ARL10: variants seen among roughly 807,000 people sequenced by gnomAD.
The protein encoded by ARL10 is ADP-ribosylation factor-like protein 10.
In ARL10, 23 loss-of-function variants were observed where a neutral mutation model predicts 26.1. The observed-to-expected ratio is 0.88, with a 90% confidence interval of 0.63 to 1.25. ARL10 has a LOEUF of 1.25. Ranked by LOEUF, ARL10 falls within the 50% of genes most tolerant of loss-of-function variation. ARL10 has a pLI of 0.00. For synonymous variants in ARL10, 138 were observed against 149.1 expected (o/e 0.93, Z 0.54); for missense variants, 300 against 323.6 (o/e 0.93, Z 0.56).
At chr5:176,404,507 C>G (rs1407547877), downstream of ARL10, among the ~76,000 whole-genome samples, 1 of 152,226 alleles carries the variant, frequency 6.6e-6, no homozygotes, top group Admixed American at 6.5e-5. Flanking sequence ...TGGGAAAAAG[C>G]AGAAAGTGAA....
intron 1 of ARL10, chr5:176,388,092 A>G: frequency 1.6e-6 from 1 of 626,870 alleles, no homozygotes. Flanking sequence ...GCTCAACGTC[A>G]GTTGAGCGTT....
In ARL10 at chr5:176,375,223, C is replaced by CCCATCCATCCATCCAT. The variant is rs774666661; in HGVS notation, c.*3339_*3354dup. The CCCATCCATCCATCCAT allele has an allele frequency of 1.1e-5, 1 of 90,546 alleles. No individual in the cohort carries two copies. Among genetic ancestry groups the CCCATCCATCCATCCAT allele is most frequent in the Non-Finnish European group, 2.2e-5 (1 of 45,532 alleles). 5.6% of individuals were successfully genotyped at this position (90,546 alleles called of 1,614,324 possible). On this transcript the variant is annotated 3_prime_UTR_variant, in exon 4 of 4. Transcript: ENST00000310389. ...ATCCATCCACTCATCCACCCATCCA[C>CCCATCCATCCATCCAT]CCATCCATCCATCCATCCATCCATC...
At position 176,375,231 on chromosome 5, in the gene ARL10, T is replaced by TCCAC. The variant is rs1768661072; in HGVS notation, c.*3339_*3340insCCCA. 5.8e-5 allele frequency: 6 copies of TCCAC among 104,120 alleles called. No homozygotes were observed. Among genetic ancestry groups the TCCAC allele is most frequent in the Admixed American group, 9.8e-5 (1 of 10,156 alleles). The allele number at this position is 104,120 out of a possible 1,614,324, so 6.4% of individuals were successfully genotyped here. Reference sequence around the variant, plus strand: ...ACTCATCCACCCATCCACCCATCCATCCATCCATCCATCCATCCTTCCATC... The same window carrying TCCAC: ...ACTCATCCACCCATCCACCCATCCATCCACCCATCCATCCATCCATCCTTCCATC... On this transcript the variant is annotated 3_prime_UTR_variant, in exon 4 of 4. Coordinates refer to ENST00000310389, the MANE Select transcript of ARL10 (RefSeq NM_173664.6).
chr5:176,392,741 C>T, downstream of ARL10: 1 of 1,610,814 alleles, frequency 6.2e-7, no homozygotes, highest in Non-Finnish European at 8.5e-7. This position sits in a 1 kb window ranked among gnomAD's most constrained non-coding sequence, Gnocchi z 5.2. Flanking sequence ...CCAGGCCCAG[C>T]CCATGCTCTG....
downstream of ARL10, chr5:176,389,495 T>G: frequency 6.2e-7 from 1 of 1,612,174 alleles, no homozygotes; most frequent in Non-Finnish European, 8.5e-7. Flanking sequence ...GTCTCGACCC[T>G]AAGCCCAGGG....
chr5:176,388,282 C>T, intron 1 of ARL10: 1 of 1,614,192 alleles, frequency 6.2e-7, no homozygotes, highest in South Asian at 1.1e-5. Flanking sequence ...ACAGCCAACC[C>T]CATCTCGGCC....
At chr5:176,371,201 C>T (rs1768519252) in intron 3 of ARL10, among the ~76,000 whole-genome samples, 1 of 152,052 alleles carries the variant, frequency 6.6e-6, no homozygotes, top group Non-Finnish European at 1.5e-5. Context: ...ACGGCGAAAC[C>T]CCGTCTCTAC....
chr5:176,371,640 A>G (rs967642495), intron 3 of ARL10, 82 bp from the exon 4 acceptor site: 1 of 1,112,088 alleles, frequency 9.0e-7, no homozygotes, highest in Non-Finnish European at 1.4e-6. Flanking sequence ...TAGCCTAAGA[A>G]CAGTGTGTTT....
At chr5:176,398,020 C>T (rs747589856) in intron 1 of ARL10, 50 of 1,613,942 alleles carry the variant, frequency 3.1e-5, no homozygotes, top group Middle Eastern at 1.6e-4. Context: ...GCAATGGCTG[C>T]GTAGCCATCA....
At chr5:176,388,186 C>T (rs367884738) in intron 1 of ARL10, 29 of 1,376,696 alleles carry the variant, frequency 2.1e-5, no homozygotes, top group Non-Finnish European at 2.9e-5. Context: ...GTCAGTATGG[C>T]GGGGGAAGAG....
At chr5:176,386,654 G>A (rs928611399), downstream of ARL10, 10 of 694,746 alleles carry the variant, frequency 1.4e-5, no homozygotes, top group Middle Eastern at 7.0e-4. Flanking sequence ...TAAGGTCAGG[G>A]TTTAGTCAGT....
chr5:176,414,375 C>T, the ARL10 span, among the ~76,000 whole-genome samples: 2 of 152,050 alleles, frequency 1.3e-5, no homozygotes, highest in Admixed American at 6.6e-5. Context: ...TGGCAAAAGA[C>T]CCCATGCTTC....
At chr5:176,401,427 T>C (rs1317398451) in intron 1 of ARL10, among the ~76,000 whole-genome samples, 1 of 152,230 alleles carries the variant, frequency 6.6e-6, no homozygotes, top group African/African-American at 2.4e-5. Flanking sequence ...CTGAGCCCTT[T>C]CTCTGTGCCA....
the ARL10 span, among the ~76,000 whole-genome samples, chr5:176,410,675 G>A: frequency 6.6e-6 from 1 of 152,294 alleles, no homozygotes; most frequent in Non-Finnish European, 1.5e-5. Flanking sequence ...CAGATTACCT[G>A]TGAAGCCTGT....
At position 176,393,809 on chromosome 5, in the gene ARL10, A is replaced by G. The variant is rs1232141995; in HGVS notation, c.134-7932A>G. On this transcript the variant is annotated intron_variant, in intron 1 of 1. Coordinates refer to the ARL10 transcript ENST00000514533. The surrounding 1 kb of genome is among the most constrained non-coding windows in gnomAD (Gnocchi z 4.4). ...ACAAGTAAATACAGTCTAGTGGACA[A>G]AATCTACACGTGGGACTCACTAACA... Among the ~76,000 whole-genome samples the G allele has an allele frequency of 6.6e-6, 1 of 152,228 alleles. No homozygotes were observed. The highest frequency in any genetic ancestry group is 2.4e-5 in the African/African-American group (1 of 41,456).
At chr5:176,394,547 G>C (rs1480663387) in intron 1 of ARL10, among the ~76,000 whole-genome samples, 2 of 151,906 alleles carry the variant, frequency 1.3e-5, no homozygotes, top group Non-Finnish European at 2.9e-5. Flanking sequence ...GCCAGGCGCG[G>C]TGGCTCATGC....
rs551034057 is a variant in ARL10, at chr5:176,368,225, C to G, written c.386-582C>G. The stretch of plus-strand genomic sequence containing the variant: ...GTTCATAGGATGAAATATGACATTT[C>G]CAAGGGAAAAGAAGGGGATGGGGGA... On this transcript the variant is annotated intron_variant, in intron 2 of 3. Transcript: ENST00000310389. The surrounding 1 kb of genome is among the most constrained non-coding windows in gnomAD (Gnocchi z 4.1). Among the ~76,000 whole-genome samples, 1 of 152,196 alleles carries G rather than the reference C, an allele frequency of 6.6e-6. No individual in the cohort carries two copies. Among genetic ancestry groups the G allele is most frequent in the Non-Finnish European group, 1.5e-5 (1 of 68,014 alleles).
the ARL10 span, among the ~76,000 whole-genome samples, chr5:176,408,283 C>T: frequency 6.6e-6 from 1 of 151,522 alleles, no homozygotes; most frequent in Non-Finnish European, 1.5e-5. Context: ...CCTGTAATCC[C>T]AGCACTTTGG....
downstream of ARL10, among the ~76,000 whole-genome samples, chr5:176,403,269 C>T (rs1409659548): frequency 3.3e-5 from 5 of 151,964 alleles, no homozygotes; most frequent in Admixed American, 6.6e-5. Context: ...AGACTTGTGT[C>T]GAACTCCTGA....
Sources: allele counts gnomAD v4.1 joint callset (sites outside exome capture counted in the v4.1 genomes callset), GRCh38; gene constraint gnomAD v4.1.1; non-coding constraint Gnocchi (gnomAD v3.1); transcripts MANE v1.5; gene names NCBI Gene and HGNC (gene_info 2026-07-23, HGNC 2026-07-21).